The following CRPPA variants were observed in gnomAD, a reference collection of about 807,000 sequenced individuals.
CRPPA encodes the protein CDP-L-ribitol pyrophosphorylase A, also known as D-ribitol-5-phosphate cytidylyltransferase.
CRPPA carries 43 observed loss-of-function variants against 52.0 expected under a neutral mutation model. The ratio of observed to expected loss-of-function variants is 0.83; its 90% CI spans 0.65 to 1.07. CRPPA has a LOEUF of 1.07. Among genes scored for constraint, CRPPA ranks in the 50% least tolerant of loss-of-function variants. The probability of loss-of-function intolerance (pLI) is 0.00; values close to 1 mark genes in which losing one functional copy is unlikely to be tolerated. For synonymous variants in CRPPA, 250 were observed against 203.5 expected, an observed-to-expected ratio of 1.23 and a Z score of -1.94; for missense variants, 629 against 551.7, an observed-to-expected ratio of 1.14 and a Z score of -1.40.
rs1009593203 is a variant in CRPPA at position 16,421,209 on chromosome 7, G to A, written c.114C>T (p.Thr38=). 7.5e-7 allele frequency: 1 copy of A among 1,341,882 alleles called. No individual in the cohort carries two copies. The allele number at this position is 1,341,882 out of a possible 1,614,324, so 83.1% of individuals were successfully genotyped here. ...CGGCTTGCGGGTGGCGCCCGGGCTC[G>A]GTCCCGGCCACGCTCTGCAGGGAGG... is the stretch of plus-strand genomic sequence containing the variant. The part of the protein sequence containing the change: ...ASASLQSVAG[T]EPGRHPQAVA... Residue 38 remains threonine, a synonymous_variant, in exon 1 of 10, where the codon ACC becomes ACT. Coordinates refer to ENST00000407010, the MANE Select transcript of CRPPA (RefSeq NM_001101426.4).
intron 6 of CRPPA, among the ~76,000 whole-genome samples, chr7:16,273,062 C>G (rs930755961): frequency 6.6e-6 from 1 of 151,060 alleles, no homozygotes; most frequent in Admixed American, 6.6e-5. Flanking sequence ...GGTGCTGCAC[C>G]CATTAACTCG....
intron 2 of CRPPA, among the ~76,000 whole-genome samples, chr7:16,381,852 T>C (rs1409897940): frequency 1.3e-5 from 2 of 152,002 alleles, no homozygotes; most frequent in Non-Finnish European, 2.9e-5. Context: ...TGGTAAATCT[T>C]TCTCCATCCT....
intron 6 of CRPPA, among the ~76,000 whole-genome samples, chr7:16,274,563 TAAA>T (rs1175929801): frequency 6.6e-6 from 1 of 152,016 alleles, no homozygotes; most frequent in African/African-American, 2.4e-5. Flanking sequence ...TAAAAAAAAA[TAAA>T]AAGTCTAATT....
chr7:16,262,995 A>T (rs937922534), intron 6 of CRPPA, among the ~76,000 whole-genome samples: 2 of 152,196 alleles, frequency 1.3e-5, no homozygotes, highest in Non-Finnish European at 2.9e-5. Flanking sequence ...GATCTTTATC[A>T]TATTTACCTG....
At chr7:16,328,885 T>A (rs10950609) in intron 3 of CRPPA, among the ~76,000 whole-genome samples, 36,318 of 151,986 alleles carry the variant, frequency 0.24, 4,595 homozygotes, top group Non-Finnish European at 0.3. Context: ...GGGTTTCTTT[T>A]AAACATGATA....
chr7:16,290,599 GA>G (rs2128420630), intron 5 of CRPPA, among the ~76,000 whole-genome samples: 1 of 152,060 alleles, frequency 6.6e-6, no homozygotes, highest in East Asian at 1.9e-4. Flanking sequence ...ACATGCAGAA[GA>G]AAGAAACTAA....
chr7:16,258,641 T>G (rs549118434), intron 7 of CRPPA, among the ~76,000 whole-genome samples, 159 bp from the exon 8 acceptor site: 5 of 152,188 alleles, frequency 3.3e-5, no homozygotes, highest in African/African-American at 1.2e-4. Flanking sequence ...CATAAAGTTA[T>G]ACATGTCAAA....
intron 1 of CRPPA, among the ~76,000 whole-genome samples, chr7:16,412,495 A>T (rs1310448036): frequency 1.3e-5 from 2 of 152,252 alleles, no homozygotes; most frequent in Non-Finnish European, 2.9e-5. Flanking sequence ...CAATAGGCTT[A>T]TAAAGCTATT....
chr7:16,224,747 G>C (rs1017536357), intron 8 of CRPPA, among the ~76,000 whole-genome samples: 1 of 151,982 alleles, frequency 6.6e-6, no homozygotes, highest in Non-Finnish European at 1.5e-5. Flanking sequence ...ATACTAAACA[G>C]GTCAAAGTAA....
At chr7:16,384,085 C>T (rs549894873) in intron 2 of CRPPA, among the ~76,000 whole-genome samples, 6 of 152,286 alleles carry the variant, frequency 3.9e-5, no homozygotes, top group African/African-American at 1.2e-4. Context: ...CCGTCTTCTG[C>T]GTCACTCAGG....
At chr7:16,145,019 A>C (rs773847990) in intron 9 of CRPPA, among the ~76,000 whole-genome samples, 1 of 152,198 alleles carries the variant, frequency 6.6e-6, no homozygotes, top group South Asian at 2.1e-4. Flanking sequence ...TATCTTGGCC[A>C]GGAGGCTGTT....
chr7:16,231,045 C>T (rs1302061792), intron 8 of CRPPA, among the ~76,000 whole-genome samples: 3 of 152,158 alleles, frequency 2.0e-5, no homozygotes, highest in African/African-American at 7.2e-5. Flanking sequence ...GCTTGAAATA[C>T]AAAGCTGTGG....
At chr7:16,270,011 G>T (rs1460194113) in intron 6 of CRPPA, 1 of 152,102 alleles carries the variant, frequency 6.6e-6, no homozygotes, top group East Asian at 1.9e-4. Flanking sequence ...ATTGTTGAAG[G>T]TTAACTATAA....
intron 9 of CRPPA, among the ~76,000 whole-genome samples, chr7:16,130,704 G>C (rs1782664660): frequency 2.0e-5 from 3 of 152,142 alleles, no homozygotes; most frequent in Non-Finnish European, 4.4e-5. Flanking sequence ...TTTAAAATTA[G>C]GTCCAGATGA....
chr7:16,139,107 AC>A (rs1782816889), intron 9 of CRPPA, among the ~76,000 whole-genome samples: 1 of 151,836 alleles, frequency 6.6e-6, no homozygotes, highest in Admixed American at 6.6e-5. Flanking sequence ...TGGCCAATTT[AC>A]CCCCTTTATG....
At chr7:16,209,750 G>T (rs992829277) in intron 9 of CRPPA, among the ~76,000 whole-genome samples, 1 of 152,110 alleles carries the variant, frequency 6.6e-6, no homozygotes, top group South Asian at 2.1e-4. Context: ...ATAAGAACAC[G>T]CTACTAAACA....
At chr7:16,407,854 C>T (rs1309422021) in intron 1 of CRPPA, among the ~76,000 whole-genome samples, 1 of 152,120 alleles carries the variant, frequency 6.6e-6, no homozygotes, top group Non-Finnish European at 1.5e-5. Flanking sequence ...TGCCTGTAAT[C>T]CCAGCACTTT....
intron 9 of CRPPA, among the ~76,000 whole-genome samples, chr7:16,153,498 A>G (rs1368126943): frequency 6.6e-6 from 1 of 152,164 alleles, no homozygotes; most frequent in Non-Finnish European, 1.5e-5. Context: ...AATTTACTAT[A>G]TATTTTTAAT....
At chr7:16,296,704 AG>A (rs58227613) in intron 5 of CRPPA, among the ~76,000 whole-genome samples, 3,212 of 152,268 alleles carry the variant, frequency 0.021, 106 homozygotes, top group African/African-American at 0.072. Flanking sequence ...TAACAACAAC[AG>A]AAAAAAAACA....
Sources: gnomAD v4.1 joint callset for allele counts (sites outside exome capture counted in the v4.1 genomes callset) on GRCh38, gnomAD v4.1.1 for gene constraint, MANE v1.5 for transcripts, NCBI Gene and HGNC (gene_info 2026-07-23, HGNC 2026-07-21) for gene names.